The following PGM1 variants were observed in gnomAD, a reference collection of about 807,000 sequenced individuals.
PGM1 encodes the protein phosphoglucomutase 1.
In PGM1, 52 loss-of-function variants were observed where a neutral mutation model predicts 55.6. The ratio of observed to expected loss-of-function variants is 0.94; its 90% CI spans 0.75 to 1.18. The LOEUF (loss-of-function observed/expected upper bound fraction) is 1.18. Ranked by LOEUF, PGM1 falls within the 50% of genes most tolerant of loss-of-function variation. The pLI is 0.00. For missense variants in PGM1, 724 were observed against 729.3 expected, an observed-to-expected ratio of 0.99 and a Z score of 0.08; for synonymous variants, 287 against 271.7, an observed-to-expected ratio of 1.06 and a Z score of -0.55.
At chr1:63,653,972 A>G (rs578193676) in intron 9 of PGM1, among the ~76,000 whole-genome samples, 38 of 152,218 alleles carry the variant, frequency 2.5e-4, no homozygotes, top group African/African-American at 8.9e-4. Flanking sequence ...TGGGGGCTGA[A>G]TTTTTGCATC....
chr1:63,596,211 C>G (rs1391117586), intron 1 of PGM1, among the ~76,000 whole-genome samples: 4 of 151,644 alleles, frequency 2.6e-5, no homozygotes, highest in African/African-American at 7.3e-5. Flanking sequence ...CATTGACTAT[C>G]CCCTAGGTTT....
rs973063351 is a variant in PGM1 at position 63,593,572 on chromosome 1, G to A, written c.84G>A (p.Val28=). The change falls in exon 1 of 11, where the codon GTG becomes GTA. Residue 28 remains valine (V), a synonymous_variant. Coordinates refer to ENST00000371084, the MANE Select transcript of PGM1 (RefSeq NM_002633.3). ...GCGGGCTGCGGAAGCGGGTGAAGGT[G>A]TTCCAGAGCAGCGCCAACTACGCGG... The part of the protein sequence containing the change: ...GTSGLRKRVK[V]FQSSANYAEN... The A allele has an allele frequency of 1.9e-6, 3 of 1,613,852 alleles. No homozygotes were observed. In the South Asian group the frequency reaches 3.3e-5, roughly 18 times the overall value.
intron 9 of PGM1, among the ~76,000 whole-genome samples, chr1:63,653,871 G>T (rs1488064142): frequency 5.9e-5 from 9 of 152,132 alleles, no homozygotes; most frequent in Admixed American, 5.9e-4. Flanking sequence ...GAGGACCTTT[G>T]CTAGTGGTTT....
At chr1:63,620,346 C>T (rs1278980842) in intron 1 of PGM1, among the ~76,000 whole-genome samples, 1 of 152,210 alleles carries the variant, frequency 6.6e-6, no homozygotes, top group African/African-American at 2.4e-5. Flanking sequence ...CTGGAACAGG[C>T]ACCTGCAGCC....
intron 1 of PGM1, among the ~76,000 whole-genome samples, chr1:63,605,069 C>G (rs1488752191): frequency 6.6e-6 from 1 of 152,046 alleles, no homozygotes; most frequent in Non-Finnish European, 1.5e-5. Flanking sequence ...CCTGTCCTGG[C>G]AGTGGAGTAG....
intron 9 of PGM1, among the ~76,000 whole-genome samples, chr1:63,653,184 A>G (rs1050659967): frequency 1.2e-4 from 18 of 152,244 alleles, no homozygotes; most frequent in African/African-American, 4.3e-4. Flanking sequence ...TTCTGTAATC[A>G]GAAAATCCAA....
intron 1 of PGM1, among the ~76,000 whole-genome samples, chr1:63,602,871 G>T (rs1648284323): frequency 6.6e-6 from 1 of 152,146 alleles, no homozygotes; most frequent in Non-Finnish European, 1.5e-5. Context: ...GTGGGTTACG[G>T]ACAAGCAGAG....
chr1:63,644,191 A>C (rs568391145), intron 7 of PGM1, among the ~76,000 whole-genome samples: 1 of 152,364 alleles, frequency 6.6e-6, no homozygotes, highest in South Asian at 2.1e-4. Context: ...TGTGCTTATC[A>C]CAAGGTGCTG....
chr1:63,617,530 A>AATT (rs1242237452), intron 1 of PGM1, among the ~76,000 whole-genome samples: 1 of 151,974 alleles, frequency 6.6e-6, no homozygotes, highest in Non-Finnish European at 1.5e-5. Flanking sequence ...AACACAGTGA[A>AATT]ACCCTGTCTC....
chr1:63,604,287 T>C (rs1648350765), intron 1 of PGM1, among the ~76,000 whole-genome samples: 1 of 152,186 alleles, frequency 6.6e-6, no homozygotes, highest in Admixed American at 6.5e-5. Flanking sequence ...TTTTCTGTCT[T>C]GTGGAATATT....
chr1:63,620,629 TG>T (rs1338289533), intron 1 of PGM1, among the ~76,000 whole-genome samples: 10 of 152,208 alleles, frequency 6.6e-5, no homozygotes. Flanking sequence ...AATAAAGGAT[TG>T]GTAAGTCTAC....
At chr1:63,658,021 G>A (rs1290874051) in intron 10 of PGM1, among the ~76,000 whole-genome samples, 1 of 152,242 alleles carries the variant, frequency 6.6e-6, no homozygotes, top group African/African-American at 2.4e-5. Context: ...AATGGCAGTG[G>A]ATGGTGTGAG....
At chr1:63,600,644 G>C (rs141259635) in intron 1 of PGM1, among the ~76,000 whole-genome samples, 1 of 152,178 alleles carries the variant, frequency 6.6e-6, no homozygotes, top group Non-Finnish European at 1.5e-5. Context: ...TGCAGCAATT[G>C]GGATGTCTGA....
chr1:63,634,468 G>C (rs1435302172), intron 4 of PGM1, among the ~76,000 whole-genome samples: 1 of 152,150 alleles, frequency 6.6e-6, no homozygotes, highest in Non-Finnish European at 1.5e-5. Context: ...TCTGATTCCA[G>C]AGTCCAGGCT....
chr1:63,636,446 C>T, intron 6 of PGM1, 58 bp downstream of exon 6: 2 of 1,505,728 alleles, frequency 1.3e-6, no homozygotes, highest in Non-Finnish European at 1.8e-6. Context: ...CTTCACCATA[C>T]CCTTCACTGT....
chr1:63,593,768 C>A (rs988462564), intron 1 of PGM1, 34 bp downstream of exon 1: 1 of 1,557,754 alleles, frequency 6.4e-7, no homozygotes, highest in Non-Finnish European at 8.6e-7. Context: ...CGCTGTGCAC[C>A]CTGGCGCGTG....
chr1:63,658,438 G>A (rs1280694846), intron 10 of PGM1, among the ~76,000 whole-genome samples: 2 of 151,238 alleles, frequency 1.3e-5, no homozygotes, highest in Non-Finnish European at 2.9e-5. Context: ...GATGTGGGGA[G>A]GGGTTGTTGC....
Position 63,651,734 on chromosome 1 carries a change from T to G in PGM1, c.1346T>G (p.Met449Arg). ...ATGATGAAGGACTTGGAGGCCCTGA[T>G]GTTTGATCGCTCCTTTGTGGGGAAG... ...NKMMKDLEAL[M>R]FDRSFVGKQF... The change falls in exon 9 of 11, where the codon ATG becomes AGG. Residue 449 changes from methionine to arginine, a missense_variant. By Grantham distance (91) the Met-to-Arg change is moderately conservative. Around this residue, in one of 3 missense-constraint regions of PGM1, gnomAD observed 316 missense variants for 313.1 expected, o/e 1.01. Coordinates refer to ENST00000371084, the MANE Select transcript of PGM1 (RefSeq NM_002633.3). The G allele has an allele frequency of 1.9e-6, 3 of 1,613,892 alleles. No homozygotes were observed. The highest frequency in any genetic ancestry group is 2.5e-6 in the Non-Finnish European group (3 of 1,179,844).
At chr1:63,634,418 C>T (rs956031085) in intron 4 of PGM1, among the ~76,000 whole-genome samples, 1 of 152,152 alleles carries the variant, frequency 6.6e-6, no homozygotes, top group Non-Finnish European at 1.5e-5. Context: ...AATTATTATA[C>T]AGCCAATGAC....
Sources: allele counts gnomAD v4.1 joint callset (sites outside exome capture counted in the v4.1 genomes callset), GRCh38; gene constraint gnomAD v4.1.1; regional missense constraint gnomAD v4.1.1; transcripts MANE v1.5; gene names NCBI Gene and HGNC (gene_info 2026-07-23, HGNC 2026-07-21).